The following TMPRSS11D variants were observed in gnomAD, a reference collection of about 807,000 sequenced individuals.
The protein encoded by TMPRSS11D is transmembrane protease serine 11D.
Under a neutral mutation model 44.4 loss-of-function variants are expected in TMPRSS11D, and 32 were observed. The observed-to-expected ratio is 0.72, with a 90% CI of 0.54 to 0.97. The LOEUF (loss-of-function observed/expected upper bound fraction) is 0.97, where lower values mean the gene tolerates loss of function less well. Among genes scored for constraint, TMPRSS11D ranks in the 50% least tolerant of loss-of-function variants. The pLI is 0.00. For missense variants in TMPRSS11D, 446 were observed against 502.6 expected, an observed-to-expected ratio of 0.89 and a Z score of 1.08; for synonymous variants, 179 against 177.9, an observed-to-expected ratio of 1.01 and a Z score of -0.05.
At chr4:67,864,695 G>C (rs961416691) in intron 1 of TMPRSS11D, among the ~76,000 whole-genome samples, 1 of 151,752 alleles carries the variant, frequency 6.6e-6, no homozygotes, top group African/African-American at 2.4e-5. Context: ...ATTCCACACA[G>C]ATGAAAACCA....
At chr4:67,827,178 C>G (rs1334254353) in intron 8 of TMPRSS11D, 83 bp downstream of exon 8, 1 of 1,488,904 alleles carries the variant, frequency 6.7e-7, no homozygotes, top group Non-Finnish European at 9.0e-7. Flanking sequence ...AACACCTATT[C>G]CAGATGTTTC....
At chr4:67,859,260 AATT>A (rs1256430733) in intron 2 of TMPRSS11D, among the ~76,000 whole-genome samples, 1 of 152,120 alleles carries the variant, frequency 6.6e-6, no homozygotes, top group Admixed American at 6.6e-5. Context: ...AGCATCAGAA[AATT>A]ATTGAGAGTT....
At chr4:67,868,439 A>G (rs1479493843) in intron 1 of TMPRSS11D, among the ~76,000 whole-genome samples, 1 of 152,166 alleles carries the variant, frequency 6.6e-6, no homozygotes, top group Non-Finnish European at 1.5e-5. Context: ...CCTTAAAACT[A>G]TTATAAAAAT....
At chr4:67,840,995 A>G (rs866143450) in intron 4 of TMPRSS11D, among the ~76,000 whole-genome samples, 1 of 152,182 alleles carries the variant, frequency 6.6e-6, no homozygotes, top group African/African-American at 2.4e-5. Context: ...CACAGACTCT[A>G]CATACATAGA....
intron 1 of TMPRSS11D, chr4:67,860,252 G>A (rs1474436222): frequency 6.6e-6 from 1 of 152,486 alleles, no homozygotes; most frequent in African/African-American, 2.4e-5. Flanking sequence ...TAACTGAAAT[G>A]AAACAGAACT....
intron 1 of TMPRSS11D, among the ~76,000 whole-genome samples, chr4:67,879,778 T>G (rs1449433105): frequency 6.6e-6 from 1 of 152,090 alleles, no homozygotes; most frequent in Non-Finnish European, 1.5e-5. Context: ...AAGATAAAAA[T>G]GCATATACCA....
chr4:67,859,994 G>A (rs1033373963), intron 1 of TMPRSS11D, among the ~76,000 whole-genome samples: 1 of 151,974 alleles, frequency 6.6e-6, no homozygotes, highest in Admixed American at 6.6e-5. Context: ...ACAAATCATT[G>A]TCAGTTCTAC....
At chr4:67,867,346 G>T (rs1718950074) in intron 1 of TMPRSS11D, among the ~76,000 whole-genome samples, 1 of 152,120 alleles carries the variant, frequency 6.6e-6, no homozygotes, top group Non-Finnish European at 1.5e-5. Context: ...ATGGATTAAA[G>T]ACTTAAATTT....
chr4:67,860,956 T>A (rs1329154909), intron 1 of TMPRSS11D, among the ~76,000 whole-genome samples: 1 of 152,138 alleles, frequency 6.6e-6, no homozygotes, highest in East Asian at 1.9e-4. Context: ...GCTGTGGCAC[T>A]GGAACTAGTA....
At chr4:67,871,227 AG>A (rs775269820) in intron 1 of TMPRSS11D, among the ~76,000 whole-genome samples, 72 of 152,334 alleles carry the variant, frequency 4.7e-4, no homozygotes, top group African/African-American at 1.5e-3. Flanking sequence ...TCTTGACTGC[AG>A]AAGACTTATT....
At chr4:67,855,514 G>A (rs1268243589) in intron 2 of TMPRSS11D, among the ~76,000 whole-genome samples, 1 of 151,890 alleles carries the variant, frequency 6.6e-6, no homozygotes, top group East Asian at 1.9e-4. Context: ...ATCATAACAA[G>A]AACTCTCAAC....
At chr4:67,878,085 A>G (rs1719237498) in intron 1 of TMPRSS11D, among the ~76,000 whole-genome samples, 1 of 152,210 alleles carries the variant, frequency 6.6e-6, no homozygotes, top group South Asian at 2.1e-4. Flanking sequence ...TGTCTTTAAC[A>G]ATTTTGTGTT....
intron 2 of TMPRSS11D, 55 bp downstream of exon 2, chr4:67,859,502 T>C (rs1041496037): frequency 7.7e-6 from 12 of 1,563,996 alleles, no homozygotes; most frequent in Non-Finnish European, 9.6e-6. Context: ...AGACTTTAAA[T>C]CTGAAATTGT....
At chr4:67,827,953 G>A (rs1231709099) in intron 7 of TMPRSS11D, among the ~76,000 whole-genome samples, 1 of 151,848 alleles carries the variant, frequency 6.6e-6, no homozygotes, top group East Asian at 1.9e-4. Context: ...CATTTAAATA[G>A]TAGTGATGAT....
At position 67,822,477 on chromosome 4, in the gene TMPRSS11D, C is replaced by G. The variant is rs1268726250; in HGVS notation, c.1117G>C (p.Val373Leu). Reference sequence around the variant, plus strand: ...CAAAGCCGCCGTGAGTCTTCTTGTACTAGTGGGCCACCAGAGTCACCCTGT... The same window carrying G: ...CAAAGCCGCCGTGAGTCTTCTTGTAGTAGTGGGCCACCAGAGTCACCCTGT... ...ACQGDSGGPL[V>L]QEDSRRLWFI... is the part of the protein sequence containing the mutation. The change falls in exon 10 of 10, where the codon GTA becomes CTA. Residue 373 changes from valine (V) to leucine (L), a missense_variant. Physicochemically the swap from Val to Leu is conservative, Grantham distance 32. Transcript: ENST00000283916. 1.2e-6 allele frequency: 2 copies of G among 1,613,890 alleles called. No homozygotes were observed. Among genetic ancestry groups the G allele is most frequent in the South Asian group, 1.1e-5 (1 of 91,062 alleles).
chr4:67,843,205 T>C (rs1718275759), intron 3 of TMPRSS11D, among the ~76,000 whole-genome samples: 1 of 151,344 alleles, frequency 6.6e-6, no homozygotes, highest in African/African-American at 2.4e-5. Flanking sequence ...TTTTTAGAAA[T>C]TGAGTCTCAC....
chr4:67,861,086 A>G (rs565584052), intron 1 of TMPRSS11D, among the ~76,000 whole-genome samples: 21 of 103,442 alleles, frequency 2.0e-4, no homozygotes, highest in African/African-American at 5.9e-4. Flanking sequence ...TAAAAAGAGC[A>G]TTTAAGTATA....
Position 67,838,262 on chromosome 4 carries a change from C to G in TMPRSS11D, c.385G>C (p.Ala129Pro). The change falls in exon 5 of 10, where the codon GCA (alanine) becomes CCA (proline). Residue 129 changes from alanine (A) to proline (P), a missense_variant. Ala to Pro is a conservative substitution (Grantham distance 27, BLOSUM62 -1). Coordinates refer to ENST00000283916, the MANE Select transcript of TMPRSS11D (RefSeq NM_004262.3). ...KFQFTRNNNG[A>P]SMKSRIESVL... is the part of the protein sequence containing the mutation. ...GACTCAATTCTGCTTTTCATTGATGCTCCATTGTTATTTCTAGTGAATTGA... is the reference window on the plus strand; with the variant it reads ...GACTCAATTCTGCTTTTCATTGATGGTCCATTGTTATTTCTAGTGAATTGA... 6.2e-7 allele frequency: 1 copy of G among 1,603,358 alleles called. No individual in the cohort carries two copies. The highest frequency in any genetic ancestry group is 1.1e-5 in the South Asian group (1 of 88,900).
chr4:67,859,099 A>T (rs1718731118), intron 2 of TMPRSS11D, among the ~76,000 whole-genome samples: 1 of 152,170 alleles, frequency 6.6e-6, no homozygotes, highest in African/African-American at 2.4e-5. Flanking sequence ...CAGAAGCATT[A>T]TTTGTTAATA....
Sources: gnomAD v4.1 joint callset for allele counts (sites outside exome capture counted in the v4.1 genomes callset) on GRCh38, gnomAD v4.1.1 for gene constraint, MANE v1.5 for transcripts, NCBI Gene and HGNC (gene_info 2026-07-23, HGNC 2026-07-21) for gene names.